Variants in SLCO4A1 observed in about 807,000 individuals in gnomAD.
The protein encoded by SLCO4A1 is solute carrier organic anion transporter family member 4A1, also known as colon organic anion transporter.
Under a neutral mutation model 64.6 loss-of-function variants are expected in SLCO4A1, and 51 were observed. That is an observed-to-expected ratio of 0.79 (90% CI 0.63 to 1.00). SLCO4A1 has a LOEUF of 1.00. Ranked by LOEUF, SLCO4A1 falls within the 50% of genes least tolerant of loss-of-function variation. SLCO4A1 has a pLI of 0.00. For missense variants in SLCO4A1, 919 were observed against 980.5 expected (o/e 0.94, Z 0.84); for synonymous variants, 471 against 444.9 (o/e 1.06, Z -0.74).
Position 62,645,254 on chromosome 20 carries a change from G to A in SLCO4A1, c.-97+2701G>A, listed in dbSNP as rs1981094946. On this transcript the variant is annotated intron_variant, in intron 1 of 11. Transcript: ENST00000217159. The surrounding 1 kb of genome is among the most constrained non-coding windows in gnomAD (Gnocchi z 4.2). ...CTCACATGCTAGGTTAACAGGTTCT[G>A]GGTGACTCTGAGCCTTGGCCCTGCC... 6.6e-6 allele frequency among the ~76,000 whole-genome samples: 1 copy of A among 152,164 alleles called. No homozygotes were observed. Among genetic ancestry groups the A allele is most frequent in the Admixed American group, 6.5e-5 (1 of 15,292 alleles).
chr20:62,674,083 C>T (rs1258358397), downstream of SLCO4A1, among the ~76,000 whole-genome samples: 2 of 152,216 alleles, frequency 1.3e-5, no homozygotes, highest in Non-Finnish European at 2.9e-5. Flanking sequence ...CAGCCATCTC[C>T]TCCTAGAGTC....
intron 3 of SLCO4A1, among the ~76,000 whole-genome samples, chr20:62,659,272 A>G (rs887436673): frequency 1.3e-5 from 2 of 152,148 alleles, no homozygotes; most frequent in Non-Finnish European, 2.9e-5. Context: ...ACAGAGACAG[A>G]TGGAGATGGG....
chr20:62,670,779 T>A (rs1414782435), intron 11 of SLCO4A1, among the ~76,000 whole-genome samples: 1 of 152,182 alleles, frequency 6.6e-6, no homozygotes, highest in Non-Finnish European at 1.5e-5. Context: ...AGCGCATGCG[T>A]CCATGTTAAT....
chr20:62,669,490 C>T (rs555292036), intron 11 of SLCO4A1, among the ~76,000 whole-genome samples: 69 of 152,336 alleles, frequency 4.5e-4, no homozygotes, highest in Middle Eastern at 3.4e-3. Context: ...GGGGGGCTGG[C>T]GGGCAGGTTG....
downstream of SLCO4A1, among the ~76,000 whole-genome samples, chr20:62,674,081 T>G (rs1349542560): frequency 2.6e-5 from 4 of 152,122 alleles, no homozygotes; most frequent in Non-Finnish European, 5.9e-5. Context: ...GCCAGCCATC[T>G]CCTCCTAGAG....
chr20:62,658,082 C>G (rs1362823629), intron 2 of SLCO4A1, among the ~76,000 whole-genome samples: 1 of 152,214 alleles, frequency 6.6e-6, no homozygotes, highest in African/African-American at 2.4e-5. Flanking sequence ...CCCTGCCTGG[C>G]TTGGCTCTCC....
chr20:62,661,157 C>T lies in SLCO4A1; in HGVS notation c.1103C>T (p.Thr368Ile), dbSNP rs1984734807. 1 of 1,612,628 alleles carries T rather than the reference C, an allele frequency of 6.2e-7. No homozygotes were observed. Among genetic ancestry groups the T allele is most frequent in the South Asian group, 1.1e-5 (1 of 91,070 alleles). The part of the protein sequence containing the change: ...GEASNPDFGK[T>I]IRDLPLSIWL... The stretch of plus-strand genomic sequence containing the variant: ...GCGAGCAACCCGGACTTTGGGAAAA[C>T]CATCAGAGACCTGCCTCTGTAAGGA... The change falls in exon 5 of 12, where the codon ACC becomes ATC. Residue 368 changes from threonine to isoleucine, a missense_variant. By Grantham distance (89) the Thr-to-Ile change is moderately conservative. Coordinates refer to ENST00000217159, the MANE Select transcript of SLCO4A1 (RefSeq NM_016354.4). The surrounding 1 kb of genome is among the most constrained non-coding windows in gnomAD (Gnocchi z 5.2).
intron 1 of SLCO4A1, among the ~76,000 whole-genome samples, chr20:62,647,519 T>C (rs1316905933): frequency 6.6e-6 from 1 of 152,224 alleles, no homozygotes; most frequent in Non-Finnish European, 1.5e-5. Context: ...GGAGGGGTGC[T>C]ACCCACCCAG....
intron 1 of SLCO4A1, among the ~76,000 whole-genome samples, chr20:62,653,766 A>T (rs1350083355): frequency 6.6e-6 from 1 of 152,080 alleles, no homozygotes; most frequent in African/African-American, 2.4e-5. Context: ...ATGACCACAC[A>T]CCAAAGGGCT....
downstream of SLCO4A1, among the ~76,000 whole-genome samples, chr20:62,676,436 G>T (rs191155997): frequency 5.9e-5 from 9 of 152,210 alleles, no homozygotes; most frequent in Non-Finnish European, 1.0e-4. Context: ...ATAATAAGAA[G>T]AATTCCTACA....
At position 62,667,611 on chromosome 20, in the gene SLCO4A1, G is replaced by A. The variant is rs562820869; in HGVS notation, c.1473-134G>A. 76 of 1,019,538 alleles carry A rather than the reference G, an allele frequency of 7.5e-5. No homozygotes were observed. The East Asian group carries it at 8.5e-4, about 11-fold the overall frequency. The allele number at this position is 1,019,538 out of a possible 1,614,324, so 63.2% of individuals were successfully genotyped here. ...TGTGAGTGCCCAGCGTGCTGGGGGC[G>A]GTGCAAGCTTGGCAAGTTTGTAGAC... On this transcript the variant is annotated intron_variant, in intron 7 of 11. Coordinates refer to ENST00000217159, the MANE Select transcript of SLCO4A1 (RefSeq NM_016354.4).
At chr20:62,669,656 A>T (rs1346129780) in intron 11 of SLCO4A1, among the ~76,000 whole-genome samples, 6 of 152,058 alleles carry the variant, frequency 3.9e-5, no homozygotes, top group African/African-American at 1.2e-4. Flanking sequence ...CCATTAGACG[A>T]TAAAGCACAA....
At chr20:62,655,982 C>G (rs1471028933) in intron 1 of SLCO4A1, among the ~76,000 whole-genome samples, 1 of 152,244 alleles carries the variant, frequency 6.6e-6, no homozygotes, top group East Asian at 1.9e-4. Flanking sequence ...ACCCCAGTGT[C>G]TGACTCGGCC....
chr20:62,669,456 C>T (rs965572885), intron 11 of SLCO4A1, among the ~76,000 whole-genome samples: 1 of 152,230 alleles, frequency 6.6e-6, no homozygotes, highest in African/African-American at 2.4e-5. Flanking sequence ...GCTTGACTAG[C>T]TGGTCCACTC....
downstream of SLCO4A1, among the ~76,000 whole-genome samples, chr20:62,673,393 T>C (rs1366152346): frequency 7.0e-6 from 1 of 141,970 alleles, no homozygotes; most frequent in Admixed American, 7.0e-5. Flanking sequence ...TCATCAGGAG[T>C]CATCAGAGGT....
intron 1 of SLCO4A1, among the ~76,000 whole-genome samples, chr20:62,648,625 C>T (rs1981855771): frequency 6.6e-6 from 1 of 152,240 alleles, no homozygotes; most frequent in African/African-American, 2.4e-5. Context: ...GGACCCTCCT[C>T]CCGTGATGGG....
chr20:62,685,922 G>A (rs180766847), downstream of SLCO4A1: 2 of 152,070 alleles, frequency 1.3e-5, no homozygotes, highest in African/African-American at 2.4e-5. This position sits in a 1 kb window ranked among gnomAD's most constrained non-coding sequence, Gnocchi z 4.6. Flanking sequence ...CCACAGCCTC[G>A]GTGTGGATCC....
rs750660418 is a variant in SLCO4A1 at position 62,666,399 on chromosome 20, G to A, written c.1296G>A (p.Ala432=). ...ATLFGYLVVP[A]GGGGTFLGGF... ...CCCCAGGGTACCTGGTGGTGCCAGC[G>A]GGTGGTGGCGGCACCTTCCTGGGCG... The change falls in exon 7 of 12, where the codon GCG becomes GCA. Residue 432 remains alanine, a synonymous_variant. Coordinates refer to ENST00000217159, the MANE Select transcript of SLCO4A1 (RefSeq NM_016354.4). 2.1e-5 allele frequency: 34 copies of A among 1,612,750 alleles called. No individual in the cohort carries two copies. Among genetic ancestry groups the A allele is most frequent in the Non-Finnish European group, 2.5e-5 (29 of 1,179,892 alleles).
At chr20:62,665,169 G>A in intron 6 of SLCO4A1, 81 bp downstream of exon 6, 1 of 1,482,782 alleles carries the variant, frequency 6.7e-7, no homozygotes, top group South Asian at 1.3e-5. Context: ...CTTCTAGAAA[G>A]ACCCAGACAG....
Sources: gnomAD v4.1 joint callset for allele counts (sites outside exome capture counted in the v4.1 genomes callset) on GRCh38, gnomAD v4.1.1 for gene constraint, Gnocchi (gnomAD v3.1) non-coding constraint, MANE v1.5 for transcripts, NCBI Gene and HGNC (gene_info 2026-07-23, HGNC 2026-07-21) for gene names.